Variants in TASOR observed in about 807,000 individuals in gnomAD.
TASOR encodes transcription activation suppressor.
A neutral mutation model predicts 178.6 loss-of-function variants in TASOR; 53 were observed. That is an observed-to-expected ratio of 0.30 (90% CI 0.24 to 0.37). The LOEUF (loss-of-function observed/expected upper bound fraction) is 0.37. Among genes scored for constraint, TASOR ranks in the 10% least tolerant of loss-of-function variants. The pLI is 1.00. For synonymous variants in TASOR, 713 were observed against 696.2 expected (o/e 1.02, Z -0.38); for missense variants, 1,815 against 1,971.4 (o/e 0.92, Z 1.50).
rs142389162 is a variant in TASOR, at chr3:56,636,823, A to G, written c.2824+1883T>C. On this transcript the variant is annotated intron_variant, in intron 17 of 23. Coordinates refer to ENST00000683822, the MANE Select transcript of TASOR (RefSeq NM_001365635.2). ...ACACTTTAGCTTACAAAATATAAAGATGGTATTTCCAAATAAGAGGAATGC... is the reference window on the plus strand; with the variant it reads ...ACACTTTAGCTTACAAAATATAAAGGTGGTATTTCCAAATAAGAGGAATGC... 9.7e-4 allele frequency among the ~76,000 whole-genome samples: 148 copies of G among 152,294 alleles called. 1 individual carries two copies. Among genetic ancestry groups the G allele is most frequent in the African/African-American group, 3.2e-3 (133 of 41,556 alleles).
intron 21 of TASOR, 41 bp from the exon 22 acceptor site, chr3:56,625,047 A>G (rs2076767404): frequency 1.3e-6 from 2 of 1,570,826 alleles, no homozygotes; most frequent in East Asian, 2.2e-5. Flanking sequence ...CTGTACTTCT[A>G]AAATTTAGTA....
intron 11 of TASOR, among the ~76,000 whole-genome samples, chr3:56,658,849 G>A (rs1048477028): frequency 6.6e-6 from 1 of 152,072 alleles, no homozygotes; most frequent in Non-Finnish European, 1.5e-5. Flanking sequence ...TGAACCCGGA[G>A]GTTGCAGTGA....
Position 56,641,439 on chromosome 3 carries a change from G to A in TASOR, c.2529C>T (p.Ser843=), listed in dbSNP as rs1362252209. ...ATGTTGCATCAACTTCTAGTAATAAGCTCTGAGTACCCTTAAACTGTGCAT... is the reference window on the plus strand; with the variant it reads ...ATGTTGCATCAACTTCTAGTAATAAACTCTGAGTACCCTTAAACTGTGCAT... ...VENAQFKGTQ[S]LLLEVDATSK... is the part of the protein sequence containing the mutation. The change falls in exon 15 of 24, where the codon AGC becomes AGT. Residue 843 remains serine, a synonymous_variant. Transcript: ENST00000683822. The A allele has an allele frequency of 1.2e-6, 2 of 1,609,154 alleles. No individual in the cohort carries two copies.
intron 18 of TASOR, among the ~76,000 whole-genome samples, chr3:56,632,209 A>G (rs2076930160): frequency 6.6e-6 from 1 of 152,060 alleles, no homozygotes; most frequent in South Asian, 2.1e-4. Context: ...GCAGTGGCCC[A>G]CGCCTGTAAT....
In TASOR at chr3:56,663,931, AC is replaced by A. The variant is rs1370057796; in HGVS notation, c.1023-360del. 3.4e-6 allele frequency: 3 copies of A among 882,386 alleles called. No homozygotes were observed. The East Asian group carries it at 3.6e-4, about 105-fold the overall frequency. 54.7% of individuals were successfully genotyped at this position (882,386 alleles called of 1,614,324 possible). On this transcript the variant is annotated intron_variant, in intron 7 of 23. Coordinates refer to ENST00000683822, the MANE Select transcript of TASOR (RefSeq NM_001365635.2). ...TATATTAATTCATCATTCAGTAAAT[AC>A]ATACTAAGCTCTTATTTACCAGGCA...
At position 56,646,804 on chromosome 3, in the gene TASOR, TTTC is replaced by T; in HGVS notation, c.1930_1932del (p.Glu644del). 1.2e-6 allele frequency: 2 copies of T among 1,613,564 alleles called. No individual in the cohort carries two copies. Among genetic ancestry groups the T allele is most frequent in the East Asian group, 4.5e-5 (2 of 44,848 alleles). On this transcript the variant is annotated inframe_deletion, in exon 14 of 24. Transcript: ENST00000683822. ...CCAAATTTCATTTTTGTACCATTCA[TTTC>T]TTCTTCTTGACCTTCATAATCTGAA...
intron 1 of TASOR, 99 bp downstream of exon 1, chr3:56,682,577 T>C: frequency 1.8e-6 from 2 of 1,113,206 alleles, no homozygotes; most frequent in Non-Finnish European, 2.4e-6. Flanking sequence ...CATGCGTGTT[T>C]ACGTATCTCG....
At chr3:56,643,431 A>G (rs934072423) in intron 14 of TASOR, among the ~76,000 whole-genome samples, 15 of 152,086 alleles carry the variant, frequency 9.9e-5, no homozygotes, top group African/African-American at 3.4e-4. Context: ...TCATAAAATG[A>G]CTGGGCTCAC....
rs1266038037 is a variant in TASOR at position 56,628,539 on chromosome 3, G to A, written c.3823C>T (p.Leu1275=). 6.3e-7 allele frequency: 1 copy of A among 1,598,668 alleles called. No homozygotes were observed. Among genetic ancestry groups the A allele is most frequent in the Non-Finnish European group, 8.6e-7 (1 of 1,168,258 alleles). The part of the protein sequence containing the change: ...FLERRSKLDK[L]LIIIQNEDIA... ...TCTTCATTTTGAATAATAATCAATA[G>A]TTTATCTAATTTTGATCTTCTTTCC... Residue 1275 remains leucine (L), a synonymous_variant, in exon 19 of 24, where the codon CTA becomes TTA. Coordinates refer to ENST00000683822, the MANE Select transcript of TASOR (RefSeq NM_001365635.2).
chr3:56,646,491 T>G, intron 14 of TASOR, 31 bp downstream of exon 14: 1 of 1,522,062 alleles, frequency 6.6e-7, no homozygotes, highest in Non-Finnish European at 8.8e-7. Flanking sequence ...ACTTTATTTT[T>G]GGCTGTTATA....
At chr3:56,677,359 C>CA (rs1559856841) in intron 1 of TASOR, among the ~76,000 whole-genome samples, 1 of 152,218 alleles carries the variant, frequency 6.6e-6, no homozygotes, top group Admixed American at 6.5e-5. Flanking sequence ...TCTAGATTGA[C>CA]AGTTACTGTC....
At position 56,634,174 on chromosome 3, in the gene TASOR, TAAC is replaced by T. The variant is rs1245546273; in HGVS notation, c.2825-211_2825-209del. 5.9e-5 allele frequency among the ~76,000 whole-genome samples: 9 copies of T among 152,340 alleles called. No homozygotes were observed. In the East Asian group the frequency reaches 1.5e-3, roughly 26 times the overall value. On this transcript the variant is annotated intron_variant, in intron 17 of 23. Transcript: ENST00000683822. ...TGGTCCTTAGAGTTGTAGCTAGTGTTAACAACTCTGCTATTTTGAAGCGCTCAA... is the reference window on the plus strand; with the variant it reads ...TGGTCCTTAGAGTTGTAGCTAGTGTTAACTCTGCTATTTTGAAGCGCTCAA...
chr3:56,633,891 T>C lies in TASOR; in HGVS notation c.2900A>G (p.Asn967Ser). 2 of 1,593,972 alleles carry C rather than the reference T, an allele frequency of 1.3e-6. No individual in the cohort carries two copies. Among genetic ancestry groups the C allele is most frequent in the Non-Finnish European group, 1.7e-6 (2 of 1,169,346 alleles). The change falls in exon 18 of 24, where the codon AAT (asparagine) becomes AGT (serine). Residue 967 changes from asparagine to serine, a missense_variant. By Grantham distance (46) the Asn-to-Ser change is conservative. Coordinates refer to ENST00000683822, the MANE Select transcript of TASOR (RefSeq NM_001365635.2). ...EAFPNDPRVI[N>S]RQRSSDYQFP... ...CTGGTAATCAGAACTTCTCTGTCTATTTATTACCCGGGGGTCGTTAGGAAA... is the reference window on the plus strand; with the variant it reads ...CTGGTAATCAGAACTTCTCTGTCTACTTATTACCCGGGGGTCGTTAGGAAA...
intron 17 of TASOR, among the ~76,000 whole-genome samples, chr3:56,638,501 T>G (rs944048974): frequency 1.3e-5 from 2 of 152,178 alleles, no homozygotes; most frequent in African/African-American, 4.8e-5. Context: ...ATATAAATAT[T>G]CGGTGACTTA....
rs574529253 is a variant in TASOR at position 56,621,722 on chromosome 3, T to C, written c.*1315A>G. 2,687 of 733,936 alleles carry C rather than the reference T, an allele frequency of 3.7e-3. 100 individuals carry two copies. The South Asian group carries it at 0.052, about 14-fold the overall frequency. The allele number at this position is 733,936 out of a possible 1,614,324, so 45.5% of individuals were successfully genotyped here. Reference sequence around the variant, plus strand: ...TCAAATAGCCTAGATTTACTTATTTTTTTAAATGCTCATTAAAAACTTGTA... The same window carrying C: ...TCAAATAGCCTAGATTTACTTATTTCTTTAAATGCTCATTAAAAACTTGTA... On this transcript the variant is annotated 3_prime_UTR_variant, in exon 24 of 24. Coordinates refer to ENST00000683822, the MANE Select transcript of TASOR (RefSeq NM_001365635.2).
chr3:56,633,722 T>C lies in TASOR; in HGVS notation c.3069A>G (p.Gly1023=), dbSNP rs148730436. Residue 1023 remains glycine, a synonymous_variant, in exon 18 of 24, where the codon GGA becomes GGG. Transcript: ENST00000683822. Reference sequence around the variant, plus strand: ...TCTTCCTAGAAAAGAGATTGTACTCTCCTAACACTGTCCTCTCTGTGGTTT... The same window carrying C: ...TCTTCCTAGAAAAGAGATTGTACTCCCCTAACACTGTCCTCTCTGTGGTTT... ...VSETTERTVL[G]EYNLFSRKIE... is the part of the protein sequence containing the mutation. The C allele has an allele frequency of 1.7e-4, 276 of 1,614,156 alleles. No homozygotes were observed. Among genetic ancestry groups the C allele is most frequent in the Admixed American group, 4.0e-4 (24 of 60,022 alleles).
chr3:56,625,280 ATTACCT>A (rs1341053574), intron 21 of TASOR, among the ~76,000 whole-genome samples: 1 of 152,244 alleles, frequency 6.6e-6, no homozygotes, highest in East Asian at 1.9e-4. Context: ...ATAAATTATG[ATTACCT>A]TTATTAATTT....
intron 1 of TASOR, among the ~76,000 whole-genome samples, chr3:56,675,368 G>A (rs1480401322): frequency 6.6e-6 from 1 of 150,958 alleles, no homozygotes; most frequent in Non-Finnish European, 1.5e-5. Context: ...GTAGATATGG[G>A]GTTTCACCAT....
chr3:56,682,618 T>C lies in TASOR; in HGVS notation c.331+58A>G, dbSNP rs2031906636. ...GTGTGGGAAGAGGAGATAGAAAGAT[T>C]CTAATGAAAAGATGGAGGGGAGAGA... On this transcript the variant is annotated intron_variant, in intron 1 of 23. Transcript: ENST00000683822. 10 of 1,384,874 alleles carry C rather than the reference T, an allele frequency of 7.2e-6. No individual in the cohort carries two copies. In the Admixed American group the frequency reaches 1.8e-4, roughly 24 times the overall value. 85.8% of individuals were successfully genotyped at this position (1,384,874 alleles called of 1,614,324 possible).
Sources: gnomAD v4.1 joint callset for allele counts (sites outside exome capture counted in the v4.1 genomes callset) on GRCh38, gnomAD v4.1.1 for gene constraint, MANE v1.5 for transcripts, NCBI Gene and HGNC (gene_info 2026-07-23, HGNC 2026-07-21) for gene names.